Variants in GAB4 observed in about 807,000 individuals in gnomAD.
GAB4 encodes the protein GRB2 associated binding protein family member 4.
GAB4 carries 26 observed loss-of-function variants against 51.3 expected under a neutral mutation model. The ratio of observed to expected loss-of-function variants is 0.51; its 90% CI spans 0.37 to 0.70. The LOEUF (loss-of-function observed/expected upper bound fraction) is 0.70. GAB4 is among the 30% of genes least tolerant of loss of function. The probability of loss-of-function intolerance (pLI) is 0.00; values close to 1 mark genes in which losing one functional copy is unlikely to be tolerated. For synonymous variants in GAB4, 329 were observed against 291.2 expected (o/e 1.13, Z -1.32); for missense variants, 759 against 734.6 (o/e 1.03, Z -0.38).
At chr22:16,973,510 T>C (rs2060750726) in intron 3 of GAB4, among the ~76,000 whole-genome samples, 1 of 152,162 alleles carries the variant, frequency 6.6e-6, no homozygotes, top group Non-Finnish European at 1.5e-5. Context: ...CCAGCTCAGA[T>C]ACTCACCCCT....
At chr22:17,004,189 TCAA>T (rs987364368) in intron 1 of GAB4, among the ~76,000 whole-genome samples, 4 of 151,278 alleles carry the variant, frequency 2.6e-5, no homozygotes, top group African/African-American at 7.3e-5. Flanking sequence ...TAATAGCCTA[TCAA>T]CAACAACAAG....
intron 3 of GAB4, among the ~76,000 whole-genome samples, chr22:16,986,453 T>C (rs1193953097): frequency 6.6e-6 from 1 of 152,228 alleles, no homozygotes; most frequent in Non-Finnish European, 1.5e-5. Flanking sequence ...TAACAGGGAC[T>C]GAGCATCTGC....
At chr22:16,965,113 G>C in intron 7 of GAB4, 65 bp downstream of exon 7, 1 of 1,210,330 alleles carries the variant, frequency 8.3e-7, no homozygotes, top group Admixed American at 2.1e-5. Flanking sequence ...ACAAGCCAAT[G>C]ACCATCCCAC....
intron 1 of GAB4, among the ~76,000 whole-genome samples, chr22:17,005,378 C>T (rs948604255): frequency 5.3e-5 from 8 of 152,164 alleles, no homozygotes; most frequent in African/African-American, 1.9e-4. Flanking sequence ...AAGAACATTC[C>T]ATGCTCATGG....
chr22:16,978,240 C>T (rs1389971409), intron 3 of GAB4, among the ~76,000 whole-genome samples: 5 of 151,996 alleles, frequency 3.3e-5, no homozygotes, highest in African/African-American at 9.7e-5. Context: ...GATGAATCCA[C>T]GAGCTGTCTT....
At chr22:16,979,844 CAGA>C (rs1213468908) in intron 3 of GAB4, among the ~76,000 whole-genome samples, 2 of 152,112 alleles carry the variant, frequency 1.3e-5, no homozygotes, top group Non-Finnish European at 2.9e-5. Context: ...ACAGAGACCT[CAGA>C]AATCACCACA....
chr22:16,987,722 G>GT (rs1220828123), intron 3 of GAB4, among the ~76,000 whole-genome samples: 2 of 152,058 alleles, frequency 1.3e-5, no homozygotes, highest in African/African-American at 2.4e-5. Flanking sequence ...TCATGGCATG[G>GT]TTTTTTTATA....
chr22:16,987,345 G>A (rs1417963840), intron 3 of GAB4, among the ~76,000 whole-genome samples: 1 of 152,162 alleles, frequency 6.6e-6, no homozygotes, highest in Non-Finnish European at 1.5e-5. Flanking sequence ...GAGAGCCAGT[G>A]GTGTCAGAGA....
intron 3 of GAB4, among the ~76,000 whole-genome samples, chr22:16,971,345 G>A (rs892881322): frequency 6.6e-6 from 1 of 152,150 alleles, no homozygotes; most frequent in Non-Finnish European, 1.5e-5. Flanking sequence ...CCCCAGACAC[G>A]ACCCAGCGTC....
rs147197940 is a variant in GAB4 at position 16,980,923 on chromosome 22, C to G, written c.686+7037G>C. Among the ~76,000 whole-genome samples the G allele has an allele frequency of 1.8e-4, 28 of 152,154 alleles. 1 individual carries two copies. The East Asian group carries it at 4.3e-3, about 23-fold the overall frequency. ...TACCCTAGAACCGAAAACCAAACACCACATGTTCTCACTCATAAGTAGGAG... is the reference window on the plus strand; with the variant it reads ...TACCCTAGAACCGAAAACCAAACACGACATGTTCTCACTCATAAGTAGGAG... On this transcript the variant is annotated intron_variant, in intron 3 of 9. Coordinates refer to ENST00000400588, the MANE Select transcript of GAB4 (RefSeq NM_001037814.1).
At chr22:17,000,094 G>A (rs556436676) in intron 1 of GAB4, among the ~76,000 whole-genome samples, 1 of 152,106 alleles carries the variant, frequency 6.6e-6, no homozygotes, top group East Asian at 1.9e-4. Flanking sequence ...GTGTGATGTG[G>A]TGCTTAGAAG....
intron 9 of GAB4, 46 bp downstream of exon 9, chr22:16,963,676 TCCC>T: frequency 7.2e-7 from 1 of 1,381,380 alleles, no homozygotes; most frequent in Non-Finnish European, 1.0e-6. Context: ...CCACAGTCTC[TCCC>T]CCAGGGCCCA....
At chr22:16,966,702 T>C (rs557117412) in intron 5 of GAB4, 8 of 275,050 alleles carry the variant, frequency 2.9e-5, no homozygotes, top group East Asian at 7.3e-5. Context: ...CAACTGGAAG[T>C]GTATCTTGCA....
At chr22:16,986,664 G>T (rs2060870756) in intron 3 of GAB4, among the ~76,000 whole-genome samples, 1 of 152,194 alleles carries the variant, frequency 6.6e-6, no homozygotes, top group African/African-American at 2.4e-5. Context: ...GCACTGTACT[G>T]CCTATCCCTG....
At chr22:16,970,683 C>T (rs1372184693) in intron 3 of GAB4, among the ~76,000 whole-genome samples, 27 of 152,152 alleles carry the variant, frequency 1.8e-4, no homozygotes, top group Admixed American at 1.8e-3. Context: ...GCAAGCGAGT[C>T]ATCTCATCTC....
At chr22:16,991,555 AG>A (rs2060914129) in intron 2 of GAB4, among the ~76,000 whole-genome samples, 1 of 152,232 alleles carries the variant, frequency 6.6e-6, no homozygotes. Context: ...CCAAGGGTCA[AG>A]TGCAACTGTG....
chr22:16,974,533 C>T (rs1326893782), intron 3 of GAB4, among the ~76,000 whole-genome samples: 1 of 152,196 alleles, frequency 6.6e-6, no homozygotes, highest in African/African-American at 2.4e-5. Flanking sequence ...CTTCTGGCTG[C>T]ACAGAGGCTG....
At position 16,984,720 on chromosome 22, in the gene GAB4, CT is replaced by C. The variant is rs528224620; in HGVS notation, c.686+3239del. On this transcript the variant is annotated intron_variant, in intron 3 of 9. Transcript: ENST00000400588. ...TCCAAGCTGTGCTCAGTTCATATAGCTCTGTTACACTGGTTTGGGACTTTCT... is the reference window on the plus strand; with the variant it reads ...TCCAAGCTGTGCTCAGTTCATATAGCCTGTTACACTGGTTTGGGACTTTCT... Among the ~76,000 whole-genome samples the C allele has an allele frequency of 5.3e-5, 8 of 152,316 alleles. No homozygotes were observed. The East Asian group carries it at 1.2e-3, about 22-fold the overall frequency.
In GAB4 at chr22:16,988,245, C is replaced by T. The variant is rs530371910; in HGVS notation, c.479-78G>A. ...AGGCAGAAACACATGAAGACAGTGG[C>T]GGTAATCCAGCACCAGCACTCTTCC... On this transcript the variant is annotated intron_variant, in intron 2 of 9. Coordinates refer to ENST00000400588, the MANE Select transcript of GAB4 (RefSeq NM_001037814.1). 1.4e-4 allele frequency: 136 copies of T among 945,480 alleles called. No individual in the cohort carries two copies. In the African/African-American group the frequency reaches 1.5e-3, roughly 10 times the overall value. The allele number at this position is 945,480 out of a possible 1,614,324, so 58.6% of individuals were successfully genotyped here.
Sources: gnomAD v4.1 joint callset for allele counts (sites outside exome capture counted in the v4.1 genomes callset) on GRCh38, gnomAD v4.1.1 for gene constraint, MANE v1.5 for transcripts, NCBI Gene and HGNC (gene_info 2026-07-23, HGNC 2026-07-21) for gene names.